SACS: variants seen among roughly 807,000 people sequenced by gnomAD.
SACS encodes the protein sacsin.
A neutral mutation model predicts 348.0 loss-of-function variants in SACS; 197 were observed. The observed-to-expected ratio is 0.57, with a 90% CI of 0.50 to 0.64. SACS has a LOEUF of 0.64. SACS is among the 30% of genes least tolerant of loss of function. SACS has a pLI of 0.00. For missense variants in SACS, 4,999 were observed against 5,360.8 expected, an observed-to-expected ratio of 0.93 and a Z score of 2.11; for synonymous variants, 1,985 against 1,910.6, an observed-to-expected ratio of 1.04 and a Z score of -1.02.
chr13:23,407,634 A>T (rs1873289908), intron 2 of SACS, among the ~76,000 whole-genome samples: 2 of 152,242 alleles, frequency 1.3e-5, no homozygotes, highest in Non-Finnish European at 2.9e-5. Flanking sequence ...ATGGACTTAG[A>T]TGGTTCAGAC....
chr13:23,365,681 T>C (rs535027913), intron 5 of SACS, among the ~76,000 whole-genome samples: 11 of 152,314 alleles, frequency 7.2e-5, no homozygotes, highest in Admixed American at 6.5e-4. Flanking sequence ...ATAGACCTTT[T>C]TTATCCTTTG....
At chr13:23,349,516 G>A (rs576319432) in intron 9 of SACS, among the ~76,000 whole-genome samples, 41 of 152,226 alleles carry the variant, frequency 2.7e-4, no homozygotes, top group African/African-American at 9.4e-4. Flanking sequence ...TATGTATTAC[G>A]TATTCATCAT....
At chr13:23,425,273 T>G (rs1156615440) in intron 1 of SACS, among the ~76,000 whole-genome samples, 1 of 151,822 alleles carries the variant, frequency 6.6e-6, no homozygotes, top group Non-Finnish European at 1.5e-5. Context: ...GATGTCCATC[T>G]GGGGCCTGGT....
Position 23,332,500 on chromosome 13 carries a change from T to C in SACS, c.11376A>G (p.Arg3792=), listed in dbSNP as rs1883544819. 6 of 1,613,868 alleles carry C rather than the reference T, an allele frequency of 3.7e-6. 1 individual carries two copies. The East Asian group carries it at 6.7e-5, about 18-fold the overall frequency. Residue 3792 remains arginine, a synonymous_variant, in exon 10 of 10, where the codon CGA becomes CGG. Coordinates refer to ENST00000382292, the MANE Select transcript of SACS (RefSeq NM_014363.6). ...AEKREFRFQL[R]GVAFVMVEDG... Reference sequence around the variant, plus strand: ...CTTCTACCATCACAAAAGCAACCCCTCGCAACTGAAAACGAAATTCCCTTT... The same window carrying C: ...CTTCTACCATCACAAAAGCAACCCCCCGCAACTGAAAACGAAATTCCCTTT...
chr13:23,375,678 G>A (rs547423356), intron 2 of SACS: 14 of 520,108 alleles, frequency 2.7e-5, no homozygotes, highest in Non-Finnish European at 2.6e-5. Context: ...CCCAGGGAAC[G>A]CCCATCCAGG....
chr13:23,359,855 C>T (rs2766103), intron 6 of SACS, among the ~76,000 whole-genome samples: 3,761 of 152,256 alleles, frequency 0.025, 119 homozygotes, highest in African/African-American at 0.071. Flanking sequence ...GAAGCCTCTC[C>T]TCATCCTCCC....
chr13:23,340,703 A>G lies in SACS; in HGVS notation c.3173T>C (p.Ile1058Thr), dbSNP rs764812936. The G allele has an allele frequency of 6.3e-7, 1 of 1,593,178 alleles. No individual in the cohort carries two copies. The highest frequency in any genetic ancestry group is 8.5e-7 in the Non-Finnish European group (1 of 1,172,322). Residue 1058 changes from isoleucine (I) to threonine (T), a missense_variant, in exon 10 of 10, where the codon ATA (isoleucine) becomes ACA (threonine). Transcript: ENST00000382292. ...VSAGELFDPD[I>T]EVLKDLFCNE... is the part of the protein sequence containing the mutation. ...ACAAAAGAGATCCTTTAGTACTTCT[A>G]TATCAGGGTCAAAGAGTTCACCAGC...
chr13:23,354,438 TTC>T (rs781747149), intron 8 of SACS, 79 bp downstream of exon 8: 92 of 1,256,464 alleles, frequency 7.3e-5, no homozygotes, highest in Non-Finnish European at 9.8e-5. Context: ...ACCATTGAAT[TTC>T]ACAACAAAGG....
At chr13:23,387,446 A>G (rs1421850113) in intron 2 of SACS, among the ~76,000 whole-genome samples, 1 of 137,158 alleles carries the variant, frequency 7.3e-6, no homozygotes, top group Admixed American at 8.3e-5. Flanking sequence ...TGGGCGACAG[A>G]GCAAGACTCC....
chr13:23,430,644 T>C (rs1354432282), intron 1 of SACS, among the ~76,000 whole-genome samples: 1 of 152,230 alleles, frequency 6.6e-6, no homozygotes, highest in African/African-American at 2.4e-5. Flanking sequence ...CTTAGTACTT[T>C]AATGAGGTAA....
At position 23,333,075 on chromosome 13, in the gene SACS, A is replaced by T. The variant is rs765697106; in HGVS notation, c.10801T>A (p.Leu3601Ile). The T allele has an allele frequency of 4.3e-6, 7 of 1,613,972 alleles. No homozygotes were observed. The South Asian group carries it at 7.7e-5, about 18-fold the overall frequency. ...LKYILSQQQL[L>I]QFAKEISVRA... ...ACACTGATTTCCTTAGCAAACTGTA[A>T]CAACTGCTGCTGAGAAAGTATGTAT... The change falls in exon 10 of 10, where the codon TTA becomes ATA. Residue 3601 changes from leucine (L) to isoleucine (I), a missense_variant. Around this residue, in one of 6 missense-constraint regions of SACS, gnomAD observed 831 missense variants for 941.8 expected, o/e 0.88. Coordinates refer to ENST00000382292, the MANE Select transcript of SACS (RefSeq NM_014363.6).
At position 23,365,194 on chromosome 13, in the gene SACS, A is replaced by G; in HGVS notation, c.429T>C (p.Leu143=). ...YDETQYGTET[L]WSKDMAPYQG... ...GATATGGCGCCATATCTTTTGACCA[A>G]AGAGTCTCTGTTCCGTATTGAGTTT... Residue 143 remains leucine, a synonymous_variant, in exon 6 of 10, where the codon CTT becomes CTC. Coordinates refer to ENST00000382292, the MANE Select transcript of SACS (RefSeq NM_014363.6). 1 of 1,612,488 alleles carries G rather than the reference A, an allele frequency of 6.2e-7. No homozygotes were observed. The highest frequency in any genetic ancestry group is 8.5e-7 in the Non-Finnish European group (1 of 1,179,252).
chr13:23,353,634 G>A, intron 9 of SACS, 151 bp downstream of exon 9: 1 of 594,510 alleles, frequency 1.7e-6, no homozygotes, highest in South Asian at 2.3e-5. Flanking sequence ...ATGCCATTCT[G>A]GCAACTGAAA....
intron 2 of SACS, among the ~76,000 whole-genome samples, chr13:23,378,772 A>C (rs1343000951): frequency 6.6e-6 from 1 of 152,204 alleles, no homozygotes; most frequent in East Asian, 1.9e-4. Context: ...ATATGGAAAG[A>C]GAGTGAGCTG....
chr13:23,334,329 A>T lies in SACS; in HGVS notation c.9547T>A (p.Ser3183Thr). 1 of 1,611,208 alleles carries T rather than the reference A, an allele frequency of 6.2e-7. No individual in the cohort carries two copies. The highest frequency in any genetic ancestry group is 8.5e-7 in the Non-Finnish European group (1 of 1,178,350). The part of the protein sequence containing the change: ...FLTTYHELIP[S>T]RKDLFMNTLY... The stretch of plus-strand genomic sequence containing the variant: ...GTATTCATAAACAAGTCTTTGCGGG[A>T]TGGAATCAATTCATGATATGTTGTT... The change falls in exon 10 of 10, where the codon TCC becomes ACC. Residue 3183 changes from serine to threonine, a missense_variant. This residue lies in a region of SACS where 734 missense variants were observed against 694.0 expected (regional missense o/e 1.06). Coordinates refer to ENST00000382292, the MANE Select transcript of SACS (RefSeq NM_014363.6).
intron 2 of SACS, among the ~76,000 whole-genome samples, chr13:23,394,164 G>T (rs748325811): frequency 3.9e-5 from 6 of 152,204 alleles, no homozygotes; most frequent in Non-Finnish European, 7.4e-5. Flanking sequence ...GATCTCCAGG[G>T]AGAGGTGAGG....
In SACS at chr13:23,330,939, C is replaced by T. The variant is rs138760047; in HGVS notation, c.12937G>A (p.Val4313Met). The change falls in exon 10 of 10, where the codon GTG becomes ATG. Residue 4313 changes from valine (V) to methionine (M), a missense_variant. Val to Met is a conservative substitution (Grantham distance 21). Coordinates refer to ENST00000382292, the MANE Select transcript of SACS (RefSeq NM_014363.6). ...GGAAGCTTCCATGCTTGCTCCACCA[C>T]AGATGTCACTTCTTTTAAGATTTCT... Reference protein sequence around the residue: ...LPEILKEVTSVVEQAWKLPES... With the variant: ...LPEILKEVTSMVEQAWKLPES... 8 of 1,614,012 alleles carry T rather than the reference C, an allele frequency of 5.0e-6. No individual in the cohort carries two copies. The highest frequency in any genetic ancestry group is 6.8e-6 in the Non-Finnish European group (8 of 1,180,002).
intron 2 of SACS, chr13:23,375,526 G>T: frequency 9.1e-7 from 1 of 1,093,922 alleles, no homozygotes; most frequent in Non-Finnish European, 1.1e-6. Context: ...AGAGGAAGCC[G>T]CGGCGGCCGA....
chr13:23,431,109 G>A (rs146467058), intron 1 of SACS, among the ~76,000 whole-genome samples: 2,051 of 152,316 alleles, frequency 0.013, 26 homozygotes, highest in Middle Eastern at 0.02. Flanking sequence ...TGTTTCATAA[G>A]GCTATTGTAA....
Sources: gnomAD v4.1 joint callset for allele counts (sites outside exome capture counted in the v4.1 genomes callset) on GRCh38, gnomAD v4.1.1 for gene constraint, gnomAD v4.1.1 regional missense constraint, MANE v1.5 for transcripts, NCBI Gene and HGNC (gene_info 2026-07-23, HGNC 2026-07-21) for gene names.